The following HTR1E variants were observed in gnomAD, a reference collection of about 807,000 sequenced individuals.
HTR1E encodes the protein 5-hydroxytryptamine receptor 1E.
In HTR1E, 3 loss-of-function variants were observed where a neutral mutation model predicts 3.4. That is an observed-to-expected ratio of 0.89 (90% confidence interval 0.41 to 2.31). HTR1E has a LOEUF of 2.31. HTR1E is among the 30% of genes most tolerant of loss of function. The pLI is 0.05. For missense variants in HTR1E, 392 were observed against 467.0 expected (o/e 0.84, Z 1.48); for synonymous variants, 170 against 182.8 (o/e 0.93, Z 0.56).
At chr6:86,975,599 G>GGA (rs1347426334) in intron 1 of HTR1E, among the ~76,000 whole-genome samples, 1 of 151,764 alleles carries the variant, frequency 6.6e-6, no homozygotes, top group Non-Finnish European at 1.5e-5. Flanking sequence ...TCCTATATGT[G>GGA]TACCCTCCTC....
At chr6:86,971,147 C>A in intron 1 of HTR1E, 1 of 507,232 alleles carries the variant, frequency 2.0e-6, no homozygotes. Flanking sequence ...GAGATGCTGG[C>A]AACAGAGAAG....
At chr6:86,970,503 A>T (rs766839090) in intron 1 of HTR1E, 1 of 172,048 alleles carries the variant, frequency 5.8e-6, no homozygotes, top group East Asian at 1.4e-4. Context: ...AAAACCCTCA[A>T]GAAAAAGCAA....
At chr6:87,010,273 G>A (rs1768193085) in intron 1 of HTR1E, among the ~76,000 whole-genome samples, 1 of 112,512 alleles carries the variant, frequency 8.9e-6, no homozygotes, top group Non-Finnish European at 1.8e-5. Flanking sequence ...GGGCAGAGGT[G>A]CCCCTCACCT....
At chr6:86,957,831 T>C (rs1316684894) in intron 1 of HTR1E, among the ~76,000 whole-genome samples, 1 of 152,114 alleles carries the variant, frequency 6.6e-6, no homozygotes, top group African/African-American at 2.4e-5. Flanking sequence ...CTCATGTGCA[T>C]GGAAATGCAT....
chr6:86,945,711 G>A (rs1768606736), intron 1 of HTR1E, among the ~76,000 whole-genome samples: 2 of 151,842 alleles, frequency 1.3e-5, no homozygotes, highest in South Asian at 4.2e-4. Context: ...TAAAAGTTTG[G>A]GGGTTTTTTG....
In HTR1E at chr6:87,015,740, G is replaced by C; in HGVS notation, c.406G>C (p.Ala136Pro). 1 of 1,609,860 alleles carries C rather than the reference G, an allele frequency of 6.2e-7. No homozygotes were observed. The highest frequency in any genetic ancestry group is 8.5e-7 in the Non-Finnish European group (1 of 1,177,414). ...TATTGAATACGCCAGGAAGAGGACG[G>C]CCAAGAGGGCCGCGCTGATGATCCT... ...NAIEYARKRT[A>P]KRAALMILTV... Residue 136 changes from alanine to proline, a missense_variant, in exon 2 of 2, where the codon GCC becomes CCC. Ala to Pro is a conservative substitution (Grantham distance 27). Coordinates refer to ENST00000305344, the MANE Select transcript of HTR1E (RefSeq NM_000865.3).
chr6:86,970,016 T>A (rs1767527166), intron 1 of HTR1E, among the ~76,000 whole-genome samples: 1 of 152,146 alleles, frequency 6.6e-6, no homozygotes, highest in Non-Finnish European at 1.5e-5. Context: ...GAAACCAATA[T>A]CATCCCTGGA....
intron 1 of HTR1E, among the ~76,000 whole-genome samples, chr6:87,001,064 T>C (rs1768016774): frequency 6.6e-6 from 1 of 152,210 alleles, no homozygotes; most frequent in Non-Finnish European, 1.5e-5. Context: ...TTTATGAAAT[T>C]AGTCTGTTTT....
At chr6:86,956,196 G>A (rs977302112) in intron 1 of HTR1E, among the ~76,000 whole-genome samples, 5 of 152,178 alleles carry the variant, frequency 3.3e-5, no homozygotes, top group Non-Finnish European at 7.3e-5. Context: ...CTGCAAAGCT[G>A]TCTCTTGTGG....
intron 1 of HTR1E, among the ~76,000 whole-genome samples, chr6:86,957,448 T>C (rs1405498442): frequency 6.6e-6 from 1 of 152,258 alleles, no homozygotes; most frequent in African/African-American, 2.4e-5. Context: ...TTACCATATA[T>C]TCTAGCCAAG....
chr6:86,992,376 A>C (rs188947364), intron 1 of HTR1E, among the ~76,000 whole-genome samples: 19 of 152,278 alleles, frequency 1.2e-4, no homozygotes, highest in African/African-American at 4.3e-4. Flanking sequence ...CTTGTAATAC[A>C]TGTGGTATGG....
At chr6:87,008,536 A>G (rs1217548349) in intron 1 of HTR1E, among the ~76,000 whole-genome samples, 1 of 152,216 alleles carries the variant, frequency 6.6e-6, no homozygotes, top group East Asian at 1.9e-4. Flanking sequence ...AAACCAATAG[A>G]TTAGCTAAAT....
intron 1 of HTR1E, among the ~76,000 whole-genome samples, chr6:87,003,850 C>T (rs1768061702): frequency 6.6e-6 from 1 of 151,728 alleles, no homozygotes; most frequent in Admixed American, 6.6e-5. Flanking sequence ...AAAAGATTAA[C>T]AAAATAGACA....
intron 1 of HTR1E, among the ~76,000 whole-genome samples, chr6:86,972,337 T>C (rs1477731258): frequency 1.3e-5 from 2 of 152,182 alleles, no homozygotes; most frequent in Admixed American, 1.3e-4. Context: ...TGCAGAATAC[T>C]TCAAGGTATT....
chr6:86,982,355 G>A lies in HTR1E; in HGVS notation c.-185-32795G>A, dbSNP rs144476781. Among the ~76,000 whole-genome samples, 49 of 152,276 alleles carry A rather than the reference G, an allele frequency of 3.2e-4. No homozygotes were observed. In the Middle Eastern group the frequency reaches 0.01, roughly 32 times the overall value. ...GAGAATTTTTTTAAGGGGAGGCACT[G>A]CCCTAACCCACTCTCCTTTTGTCTT... On this transcript the variant is annotated intron_variant, in intron 1 of 1. Coordinates refer to ENST00000305344, the MANE Select transcript of HTR1E (RefSeq NM_000865.3).
At chr6:86,956,645 G>A (rs186020723) in intron 1 of HTR1E, among the ~76,000 whole-genome samples, 36 of 152,044 alleles carry the variant, frequency 2.4e-4, no homozygotes, top group East Asian at 2.1e-3. Context: ...AACCATCTGC[G>A]TACATGTTCT....
intron 1 of HTR1E, among the ~76,000 whole-genome samples, chr6:87,014,767 G>T (rs1768291761): frequency 6.6e-6 from 1 of 151,964 alleles, no homozygotes; most frequent in Admixed American, 6.5e-5. Context: ...GAACACATGG[G>T]CACAGGGCCG....
At chr6:87,002,145 C>T (rs1331620636) in intron 1 of HTR1E, among the ~76,000 whole-genome samples, 3 of 152,206 alleles carry the variant, frequency 2.0e-5, no homozygotes, top group Non-Finnish European at 4.4e-5. Flanking sequence ...TCTTGGTCTC[C>T]CTGACTTCAG....
At chr6:86,979,876 A>G (rs1192009344) in intron 1 of HTR1E, among the ~76,000 whole-genome samples, 1 of 152,198 alleles carries the variant, frequency 6.6e-6, no homozygotes, top group Admixed American at 6.5e-5. Context: ...TCATGGTGGT[A>G]GAAGGATGCC....
Sources: gnomAD v4.1 joint callset for allele counts (sites outside exome capture counted in the v4.1 genomes callset) on GRCh38, gnomAD v4.1.1 for gene constraint, MANE v1.5 for transcripts, NCBI Gene and HGNC (gene_info 2026-07-23, HGNC 2026-07-21) for gene names.